Variants in ARID1B observed in about 807,000 individuals in gnomAD.
ARID1B encodes AT-rich interactive domain-containing protein 1B.
ARID1B carries 30 observed loss-of-function variants against 212.3 expected under a neutral mutation model. That is an observed-to-expected ratio of 0.14 (90% CI 0.11 to 0.19). The LOEUF (loss-of-function observed/expected upper bound fraction) is 0.19, where lower values mean the gene tolerates loss of function less well. Among genes scored for constraint, ARID1B ranks in the 10% least tolerant of loss-of-function variants. The probability of loss-of-function intolerance (pLI) is 1.00; values close to 1 mark genes in which losing one functional copy is unlikely to be tolerated. For synonymous variants in ARID1B, 1,402 were observed against 1,301.7 expected, an observed-to-expected ratio of 1.08 and a Z score of -1.66; for missense variants, 2,891 against 3,204.0, an observed-to-expected ratio of 0.90 and a Z score of 2.36.
intron 5 of ARID1B, among the ~76,000 whole-genome samples, chr6:157,086,987 G>A (rs760832788): frequency 6.6e-6 from 1 of 152,128 alleles, no homozygotes; most frequent in Admixed American, 6.5e-5. Context: ...TCTTGGACAC[G>A]TTATTTAAAG....
At chr6:156,917,568 T>C (rs1790458817) in intron 3 of ARID1B, among the ~76,000 whole-genome samples, 1 of 152,166 alleles carries the variant, frequency 6.6e-6, no homozygotes, top group African/African-American at 2.4e-5. Context: ...GAAGAAGTGA[T>C]CCTGGGATAG....
intron 8 of ARID1B, among the ~76,000 whole-genome samples, chr6:157,160,200 A>C (rs1030138522): frequency 6.6e-6 from 1 of 151,906 alleles, no homozygotes; most frequent in Non-Finnish European, 1.5e-5. Context: ...ATGACCCCAA[A>C]CCTCTGCTTC....
chr6:156,906,971 T>C (rs557546250), intron 3 of ARID1B, among the ~76,000 whole-genome samples: 1 of 152,186 alleles, frequency 6.6e-6, no homozygotes, highest in Non-Finnish European at 1.5e-5. Context: ...ATATTAACTT[T>C]GTGTGTGTGT....
intron 5 of ARID1B, among the ~76,000 whole-genome samples, chr6:157,095,261 G>A (rs978784160): frequency 3.9e-5 from 6 of 152,168 alleles, no homozygotes; most frequent in South Asian, 4.2e-4. Context: ...CTCAGCACTC[G>A]CCACACAACA....
intron 12 of ARID1B, among the ~76,000 whole-genome samples, chr6:157,181,865 G>C (rs1293817093): frequency 6.6e-6 from 1 of 152,184 alleles, no homozygotes; most frequent in Non-Finnish European, 1.5e-5. Flanking sequence ...ATAGGAACAG[G>C]GAAAAGGTAC....
chr6:156,890,616 A>T (rs866804407), intron 2 of ARID1B, among the ~76,000 whole-genome samples: 1 of 152,210 alleles, frequency 6.6e-6, no homozygotes, highest in Non-Finnish European at 1.5e-5. Context: ...CTTCAGAGCA[A>T]TGTGAGAGCC....
intron 3 of ARID1B, among the ~76,000 whole-genome samples, chr6:156,933,488 A>G (rs1237053402): frequency 6.6e-6 from 1 of 152,188 alleles, no homozygotes; most frequent in Admixed American, 6.5e-5. Flanking sequence ...TAGAATCTGG[A>G]AGAAACGTGG....
rs144635271 is a variant in ARID1B, at chr6:157,057,762, A to G, written c.2248-26900A>G. ...TAAAGCAAGTCTCATTATTTTTGAA[A>G]ATGTGTCAAAATTTTAAAATAGCCA... On this transcript the variant is annotated intron_variant, in intron 4 of 19. Coordinates refer to ENST00000636930, the MANE Select transcript of ARID1B (RefSeq NM_001374828.1). Among the ~76,000 whole-genome samples the G allele has an allele frequency of 6.0e-3, 910 of 152,288 alleles. 9 individuals carry two copies. The highest frequency in any genetic ancestry group is 0.021 in the African/African-American group (871 of 41,552).
intron 4 of ARID1B, among the ~76,000 whole-genome samples, chr6:157,057,659 T>G (rs1783052842): frequency 6.6e-6 from 1 of 152,220 alleles, no homozygotes; most frequent in Non-Finnish European, 1.5e-5. Context: ...TAATATATTT[T>G]AAATAGGATT....
intron 4 of ARID1B, among the ~76,000 whole-genome samples, chr6:156,994,929 T>C (rs1276256378): frequency 6.6e-6 from 1 of 152,228 alleles, no homozygotes; most frequent in Non-Finnish European, 1.5e-5. Context: ...TTATTCTTAC[T>C]GTCCTCCCCT....
intron 4 of ARID1B, among the ~76,000 whole-genome samples, chr6:157,037,667 A>G (rs1216560431): frequency 6.6e-6 from 1 of 152,228 alleles, no homozygotes; most frequent in African/African-American, 2.4e-5. Context: ...GTAAGCTATT[A>G]AAAGATTTTA....
intron 3 of ARID1B, among the ~76,000 whole-genome samples, chr6:156,917,395 G>T (rs1400561567): frequency 6.6e-6 from 1 of 152,208 alleles, no homozygotes; most frequent in Non-Finnish European, 1.5e-5. Flanking sequence ...GTCAGACGTT[G>T]TTGCTGACCT....
At chr6:156,784,714 T>C (rs537208418) in intron 1 of ARID1B, among the ~76,000 whole-genome samples, 77 of 152,332 alleles carry the variant, frequency 5.1e-4, no homozygotes, top group Middle Eastern at 6.8e-3. Flanking sequence ...ATTTTCAAAA[T>C]CTTTGACTTG....
chr6:156,964,878 T>C (rs544210405), intron 4 of ARID1B, among the ~76,000 whole-genome samples: 88 of 152,288 alleles, frequency 5.8e-4, no homozygotes, highest in South Asian at 3.5e-3. Context: ...ATATAAACAG[T>C]CCAAGTATCA....
intron 7 of ARID1B, among the ~76,000 whole-genome samples, chr6:157,142,860 G>T (rs568363651): frequency 6.6e-6 from 1 of 152,062 alleles, no homozygotes; most frequent in South Asian, 2.1e-4. Flanking sequence ...AGGGAATGAC[G>T]CAGAACCTTG....
chr6:157,053,840 G>A (rs1423941222), intron 4 of ARID1B, among the ~76,000 whole-genome samples: 4 of 152,172 alleles, frequency 2.6e-5, no homozygotes, highest in African/African-American at 9.7e-5. Context: ...TTGGGAGGCC[G>A]AGGCAGGTGG....
At chr6:157,051,706 T>C (rs1428755185) in intron 4 of ARID1B, among the ~76,000 whole-genome samples, 1 of 152,184 alleles carries the variant, frequency 6.6e-6, no homozygotes, top group East Asian at 1.9e-4. Context: ...ACCAGGAGAA[T>C]GTAAAAATAT....
In ARID1B at chr6:156,778,757, C is replaced by G. The variant is rs1211941032; in HGVS notation, c.1077C>G (p.Ala359=). ...MHSASAAAAG[A]PGSMDPLQNS... is the part of the protein sequence containing the mutation. ...CCGCCTCCGCCGCCGCCGCCGGGGC[C>G]CCCGGCAGCATGGACCCCCTGCAGA... Residue 359 remains alanine, a synonymous_variant, in exon 1 of 20, where the codon GCC becomes GCG. Transcript: ENST00000636930. 1.2e-5 allele frequency: 18 copies of G among 1,523,670 alleles called. No homozygotes were observed. The Admixed American group carries it at 3.5e-4, about 30-fold the overall frequency. 94.4% of individuals were successfully genotyped at this position (1,523,670 alleles called of 1,614,324 possible). A position where few individuals can be genotyped will look rare whatever the true frequency, so the allele number is the denominator to read the frequency against.
chr6:157,148,195 C>G lies in ARID1B; in HGVS notation c.2762-429C>G, dbSNP rs939025853. ...GTCTTACACGTTGTCTTTTTGAGCC[C>G]TTTCACATGACTGTTGAAGGTAGCA... On this transcript the variant is annotated intron_variant, in intron 7 of 19. Transcript: ENST00000636930. This position sits in a 1 kb window ranked among gnomAD's most constrained non-coding sequence, Gnocchi z 5.6. 3.3e-5 allele frequency among the ~76,000 whole-genome samples: 5 copies of G among 152,072 alleles called. No homozygotes were observed. Among genetic ancestry groups the G allele is most frequent in the African/African-American group, 1.2e-4 (5 of 41,390 alleles).
Sources: allele counts gnomAD v4.1 joint callset (sites outside exome capture counted in the v4.1 genomes callset), GRCh38; gene constraint gnomAD v4.1.1; non-coding constraint Gnocchi (gnomAD v3.1); transcripts MANE v1.5; gene names NCBI Gene and HGNC (gene_info 2026-07-23, HGNC 2026-07-21).